The following ATP9B variants were observed in gnomAD, a reference collection of about 807,000 sequenced individuals.
ATP9B encodes the protein ATPase phospholipid transporting 9B.
In ATP9B, 110 loss-of-function variants were observed where a neutral mutation model predicts 146.1. The ratio of observed to expected loss-of-function variants is 0.75; its 90% CI spans 0.65 to 0.88. ATP9B has a LOEUF of 0.88. ATP9B is among the 40% of genes least tolerant of loss of function. ATP9B has a pLI of 0.00. For missense variants in ATP9B, 1,499 were observed against 1,496.4 expected (o/e 1.00, Z -0.03); for synonymous variants, 604 against 569.7 (o/e 1.06, Z -0.86).
chr18:79,157,569 TCTTTG>T (rs1330127879), intron 7 of ATP9B, among the ~76,000 whole-genome samples: 1 of 152,144 alleles, frequency 6.6e-6, no homozygotes, highest in African/African-American at 2.4e-5. Context: ...TATTATTAAT[TCTTTG>T]TTAAGCGTTT....
rs1313124246 is a variant in ATP9B, at chr18:79,329,189, A to G, written c.1822A>G (p.Arg608Gly). Residue 608 changes from arginine to glycine, a missense_variant, in exon 16 of 30, where the codon AGG (arginine) becomes GGG (glycine). Coordinates refer to ENST00000426216, the MANE Select transcript of ATP9B (RefSeq NM_198531.5). Reference protein sequence around the residue: ...TESVGLTLVSRDLTSMQLKTP... With the variant: ...TESVGLTLVSGDLTSMQLKTP... Reference sequence around the variant, plus strand: ...GAGTGTGGGCCTCACGCTGGTCAGCAGGGACCTCACCTCCATGCAGCTGAA... The same window carrying G: ...GAGTGTGGGCCTCACGCTGGTCAGCGGGGACCTCACCTCCATGCAGCTGAA... 2.5e-6 allele frequency: 4 copies of G among 1,611,830 alleles called. No individual in the cohort carries two copies. Among genetic ancestry groups the G allele is most frequent in the Non-Finnish European group, 3.4e-6 (4 of 1,179,670 alleles).
Position 79,253,443 on chromosome 18 carries a change from T to C in ATP9B, c.1170T>C (p.Ala390=). The C allele has an allele frequency of 5.0e-6, 8 of 1,613,738 alleles. No individual in the cohort carries two copies. Among genetic ancestry groups the C allele is most frequent in the Non-Finnish European group, 6.8e-6 (8 of 1,179,922 alleles). Reference sequence around the variant, plus strand: ...AAGCGCTATTTTTGGCTTTAGTTGCTCTTTCCATTGTTATGGTAACCTTAC... The same window carrying C: ...AAGCGCTATTTTTGGCTTTAGTTGCCCTTTCCATTGTTATGGTAACCTTAC... ...LTKALFLALV[A]LSIVMVTLQG... is the part of the protein sequence containing the mutation. The change falls in exon 12 of 30, where the codon GCT becomes GCC. Residue 390 remains alanine, a synonymous_variant. Transcript: ENST00000426216.
intron 26 of ATP9B, among the ~76,000 whole-genome samples, chr18:79,370,410 C>G (rs1478547530): frequency 1.3e-5 from 2 of 152,210 alleles, no homozygotes; most frequent in African/African-American, 4.8e-5. Context: ...AGGCATTCCA[C>G]ACATACGGGG....
chr18:79,176,972 T>C (rs2095181144), intron 8 of ATP9B, 65 bp downstream of exon 8: 2 of 1,351,048 alleles, frequency 1.5e-6, no homozygotes, highest in African/African-American at 2.9e-5. Flanking sequence ...TTCACGTATA[T>C]TTCTGTTTAT....
chr18:79,266,968 A>AT (rs566929109), intron 12 of ATP9B, among the ~76,000 whole-genome samples: 21 of 151,372 alleles, frequency 1.4e-4, no homozygotes, highest in Middle Eastern at 3.4e-3. Flanking sequence ...TCATAAAAAT[A>AT]TTTTTTTTTC....
chr18:79,377,437 C>T lies in ATP9B; in HGVS notation c.*54C>T. ...CCAGCACCTTCTGCCCTTCCCAGCA[C>T]CTTGTGCCCTTGCCAGTGAACGCAG... On this transcript the variant is annotated 3_prime_UTR_variant, in exon 30 of 30. Coordinates refer to ENST00000426216, the MANE Select transcript of ATP9B (RefSeq NM_198531.5). The T allele has an allele frequency of 6.3e-7, 1 of 1,583,272 alleles. No homozygotes were observed. Among genetic ancestry groups the T allele is most frequent in the Admixed American group, 1.7e-5 (1 of 58,438 alleles).
chr18:79,099,194 C>G (rs1194238326), intron 2 of ATP9B, among the ~76,000 whole-genome samples: 1 of 152,028 alleles, frequency 6.6e-6, no homozygotes, highest in Non-Finnish European at 1.5e-5. Flanking sequence ...AGTTCAAAAT[C>G]TATTTCTTTT....
intron 4 of ATP9B, among the ~76,000 whole-genome samples, chr18:79,122,692 C>CT (rs1243881580): frequency 2.0e-5 from 3 of 152,076 alleles, no homozygotes; most frequent in African/African-American, 4.8e-5. Flanking sequence ...TTTCTTAGAA[C>CT]TTTTTTGGGG....
At chr18:79,265,610 G>C (rs1394770305) in intron 12 of ATP9B, among the ~76,000 whole-genome samples, 1 of 151,726 alleles carries the variant, frequency 6.6e-6, no homozygotes, top group African/African-American at 2.4e-5. Context: ...CAGATCTGTA[G>C]TTTGCAAAAA....
chr18:79,230,874 A>G (rs887616214), intron 11 of ATP9B, among the ~76,000 whole-genome samples: 2 of 152,246 alleles, frequency 1.3e-5, no homozygotes, highest in Non-Finnish European at 2.9e-5. Context: ...ACTTATAGTC[A>G]ACTGATATAC....
chr18:79,075,951 T>C (rs1186401166), intron 1 of ATP9B, among the ~76,000 whole-genome samples: 1 of 152,184 alleles, frequency 6.6e-6, no homozygotes, highest in African/African-American at 2.4e-5. Flanking sequence ...TACTTAGTGC[T>C]AGCTCTAGGA....
intron 15 of ATP9B, among the ~76,000 whole-genome samples, chr18:79,328,681 C>G (rs2096774266): frequency 1.3e-5 from 2 of 152,152 alleles, no homozygotes; most frequent in African/African-American, 2.4e-5. Flanking sequence ...TAATTAGTCA[C>G]CAATTTGTCT....
chr18:79,345,518 G>A lies in ATP9B; in HGVS notation c.2563G>A (p.Ala855Thr). 1 of 1,612,536 alleles carries A rather than the reference G, an allele frequency of 6.2e-7. No homozygotes were observed. The change falls in exon 22 of 30, where the codon GCC becomes ACC. Residue 855 changes from alanine (A) to threonine (T), a missense_variant. Ala to Thr is a moderately conservative substitution (Grantham distance 58). Transcript: ENST00000426216. ...VCCRCSPTQKARIVTLLQQHT... is the reference protein window; with the variant it reads ...VCCRCSPTQKTRIVTLLQQHT... ...CTGCCGCTGCTCACCCACCCAGAAGGCCCGCATTGTGACACTGCTGCAGCA... is the reference window on the plus strand; with the variant it reads ...CTGCCGCTGCTCACCCACCCAGAAGACCCGCATTGTGACACTGCTGCAGCA...
intron 8 of ATP9B, among the ~76,000 whole-genome samples, chr18:79,179,108 T>A (rs1048448852): frequency 6.6e-6 from 1 of 152,230 alleles, no homozygotes; most frequent in Non-Finnish European, 1.5e-5. Context: ...TTCACGTAAG[T>A]TGACAACATT....
intron 9 of ATP9B, 150 bp from the exon 10 acceptor site, chr18:79,206,787 C>A: frequency 1.6e-6 from 1 of 606,758 alleles, no homozygotes; most frequent in Non-Finnish European, 2.8e-6. Context: ...TTTTATAGTC[C>A]CTTTTTTCTA....
chr18:79,276,974 G>C (rs965118114), intron 12 of ATP9B, 80 bp from the exon 13 acceptor site: 8 of 1,554,764 alleles, frequency 5.1e-6, no homozygotes, highest in Non-Finnish European at 7.1e-6. Context: ...CACTGCAGTG[G>C]GTTTTATCTG....
At chr18:79,096,836 T>A (rs1342025146) in intron 2 of ATP9B, among the ~76,000 whole-genome samples, 187 bp downstream of exon 2, 1 of 152,046 alleles carries the variant, frequency 6.6e-6, no homozygotes, top group African/African-American at 2.4e-5. Context: ...GAAAGCCAAA[T>A]TATTATCTTA....
At chr18:79,310,574 A>G (rs1458868644) in intron 15 of ATP9B, among the ~76,000 whole-genome samples, 2 of 152,196 alleles carry the variant, frequency 1.3e-5, no homozygotes, top group African/African-American at 4.8e-5. Flanking sequence ...AGGAACAACC[A>G]GTAATGTCAT....
intron 2 of ATP9B, among the ~76,000 whole-genome samples, chr18:79,104,454 A>G (rs2075517187): frequency 6.6e-6 from 1 of 152,198 alleles, no homozygotes; most frequent in South Asian, 2.1e-4. Flanking sequence ...GTAGCATACC[A>G]GCACTGTACT....
Sources: allele counts gnomAD v4.1 joint callset (sites outside exome capture counted in the v4.1 genomes callset), GRCh38; gene constraint gnomAD v4.1.1; transcripts MANE v1.5; gene names NCBI Gene and HGNC (gene_info 2026-07-23, HGNC 2026-07-21).